Variants in MTUS1 observed in about 807,000 individuals in gnomAD.
MTUS1 encodes microtubule-associated tumor suppressor 1.
Under a neutral mutation model 120.8 loss-of-function variants are expected in MTUS1, and 109 were observed. The ratio of observed to expected loss-of-function variants is 0.90; its 90% CI spans 0.77 to 1.06. The LOEUF (loss-of-function observed/expected upper bound fraction) is 1.06. Among genes scored for constraint, MTUS1 ranks in the 50% least tolerant of loss-of-function variants. The pLI, the probability that MTUS1 is intolerant of heterozygous loss-of-function variation, is 0.00. For synonymous variants in MTUS1, 737 were observed against 550.5 expected (o/e 1.34, Z -4.74); for missense variants, 2,210 against 1,486.3 (o/e 1.49, Z -8.01).
At chr8:17,672,137 G>T (rs958087941) in intron 8 of MTUS1, among the ~76,000 whole-genome samples, 12 of 152,142 alleles carry the variant, frequency 7.9e-5, no homozygotes, top group African/African-American at 2.9e-4. Context: ...TGTCGTTTGG[G>T]ATTTCTAGGA....
rs1344432171 is a variant in MTUS1 at position 17,799,141 on chromosome 8, A to G, written c.-155+1920T>C. ...ACATTTTTTGGAAAGCAAATGGTCA[A>G]TATGTATGAGGAGATCTTCCAACCA... On this transcript the variant is annotated intron_variant, in intron 1 of 14. Coordinates refer to ENST00000693296, the MANE Select transcript of MTUS1 (RefSeq NM_001363059.2). 2.0e-5 allele frequency among the ~76,000 whole-genome samples: 3 copies of G among 152,206 alleles called. No homozygotes were observed. In the East Asian group the frequency reaches 5.8e-4, roughly 29 times the overall value.
intron 3 of MTUS1, among the ~76,000 whole-genome samples, chr8:17,734,004 A>C (rs573237520): frequency 1.3e-5 from 2 of 152,246 alleles, no homozygotes; most frequent in East Asian, 1.9e-4. Flanking sequence ...CAGAAAGAAA[A>C]CCATTAAGCG....
At chr8:17,715,079 T>C (rs2131035274) in intron 5 of MTUS1, among the ~76,000 whole-genome samples, 1 of 151,892 alleles carries the variant, frequency 6.6e-6, no homozygotes, top group African/African-American at 2.4e-5. Flanking sequence ...CTAATTTTTG[T>C]ATTTTTAGTA....
chr8:17,679,283 A>T (rs1202579332), intron 7 of MTUS1, among the ~76,000 whole-genome samples: 2 of 152,072 alleles, frequency 1.3e-5, no homozygotes, highest in Non-Finnish European at 2.9e-5. Flanking sequence ...ATGTATATAA[A>T]AAACATACAT....
chr8:17,699,279 G>A (rs1272622020), intron 6 of MTUS1, among the ~76,000 whole-genome samples: 3 of 152,068 alleles, frequency 2.0e-5, no homozygotes, highest in South Asian at 4.1e-4. Flanking sequence ...GTGTAATGGC[G>A]CAGTCTCTGC....
intron 1 of MTUS1, among the ~76,000 whole-genome samples, chr8:17,786,109 C>T (rs1387323436): frequency 6.6e-6 from 1 of 152,154 alleles, no homozygotes; most frequent in Non-Finnish European, 1.5e-5. Context: ...CAAAGCACTC[C>T]AGCCTGGGTG....
At chr8:17,762,410 C>T (rs1035816853) in intron 1 of MTUS1, among the ~76,000 whole-genome samples, 1 of 152,218 alleles carries the variant, frequency 6.6e-6, no homozygotes, top group Non-Finnish European at 1.5e-5. Flanking sequence ...CAGTTCTACT[C>T]TAAGCCTCAA....
chr8:17,705,491 G>C (rs1819979196), intron 6 of MTUS1, among the ~76,000 whole-genome samples: 2 of 152,152 alleles, frequency 1.3e-5, no homozygotes, highest in Admixed American at 6.5e-5. Flanking sequence ...GTCTCAAGAA[G>C]ATTTACTAAA....
intron 6 of MTUS1, among the ~76,000 whole-genome samples, chr8:17,686,587 T>C (rs375015431): frequency 6.6e-6 from 1 of 152,238 alleles, no homozygotes; most frequent in Non-Finnish European, 1.5e-5. Context: ...TGAGTAACAT[T>C]TGCCTCTCTT....
intron 8 of MTUS1, among the ~76,000 whole-genome samples, chr8:17,657,064 A>G (rs1808456179): frequency 6.7e-6 from 1 of 148,836 alleles, no homozygotes; most frequent in Admixed American, 6.6e-5. Flanking sequence ...GTCTCAAAAA[A>G]AAAAAAAAAA....
At chr8:17,683,524 A>G (rs527721430) in intron 7 of MTUS1, among the ~76,000 whole-genome samples, 32 of 152,200 alleles carry the variant, frequency 2.1e-4, no homozygotes, top group African/African-American at 7.5e-4. Context: ...ACTCCTGACC[A>G]CAAGCGATCC....
intron 4 of MTUS1, among the ~76,000 whole-genome samples, chr8:17,719,430 A>G (rs1822972911): frequency 6.6e-6 from 1 of 152,224 alleles, no homozygotes; most frequent in South Asian, 2.1e-4. Flanking sequence ...TCACTCAACT[A>G]TATAATAACA....
At chr8:17,800,082 G>C (rs541132316) in intron 1 of MTUS1, among the ~76,000 whole-genome samples, 1 of 152,244 alleles carries the variant, frequency 6.6e-6, no homozygotes, top group East Asian at 1.9e-4. Context: ...TTCCGTTTAT[G>C]CAATTCCTTT....
chr8:17,729,948 C>G (rs545666952), intron 3 of MTUS1, among the ~76,000 whole-genome samples: 9 of 142,884 alleles, frequency 6.3e-5, no homozygotes, highest in South Asian at 2.2e-4. Flanking sequence ...CACAATCGCG[C>G]GAGATACCAC....
intron 6 of MTUS1, among the ~76,000 whole-genome samples, chr8:17,698,775 C>G (rs938528509): frequency 1.5e-4 from 23 of 152,090 alleles, no homozygotes; most frequent in African/African-American, 5.6e-4. Context: ...TAGAGGTTGT[C>G]AGCAAGAGAG....
intron 1 of MTUS1, among the ~76,000 whole-genome samples, chr8:17,779,417 A>C (rs2050700925): frequency 6.6e-6 from 1 of 152,214 alleles, no homozygotes; most frequent in African/African-American, 2.4e-5. Context: ...ACATGTATGT[A>C]TTTCCCTGAA....
intron 3 of MTUS1, among the ~76,000 whole-genome samples, chr8:17,724,415 G>A (rs1236427035): frequency 5.9e-5 from 9 of 152,004 alleles, no homozygotes. Context: ...GAAGAAAAAT[G>A]CAATTTGATA....
intron 1 of MTUS1, among the ~76,000 whole-genome samples, chr8:17,787,094 C>CA (rs2051363823): frequency 6.6e-6 from 1 of 152,202 alleles, no homozygotes; most frequent in Non-Finnish European, 1.5e-5. Context: ...GCTGTGTAAA[C>CA]ACAGTGTTTG....
At chr8:17,646,739 C>T (rs1199523922) in intron 14 of MTUS1, among the ~76,000 whole-genome samples, 1 of 152,166 alleles carries the variant, frequency 6.6e-6, no homozygotes, top group African/African-American at 2.4e-5. Flanking sequence ...AAAGCATTCT[C>T]AGAGGCAGCC....
Sources: gnomAD v4.1 joint callset for allele counts (sites outside exome capture counted in the v4.1 genomes callset) on GRCh38, gnomAD v4.1.1 for gene constraint, MANE v1.5 for transcripts, NCBI Gene and HGNC (gene_info 2026-07-23, HGNC 2026-07-21) for gene names.